Variants in CHRNB3 observed in about 807,000 individuals in gnomAD.
CHRNB3 encodes neuronal acetylcholine receptor subunit beta-3.
Under a neutral mutation model 40.6 loss-of-function variants are expected in CHRNB3, and 37 were observed. The observed-to-expected ratio is 0.91, with a 90% CI of 0.70 to 1.20. The LOEUF (loss-of-function observed/expected upper bound fraction) is 1.20, where lower values mean the gene tolerates loss of function less well. Ranked by LOEUF, CHRNB3 falls within the 50% of genes most tolerant of loss-of-function variation. The pLI is 0.00. For missense variants in CHRNB3, 505 were observed against 551.2 expected (o/e 0.92, Z 0.84); for synonymous variants, 207 against 207.1 (o/e 1.00, Z 0.00).
chr8:42,701,591 C>A (rs1815800964), intron 1 of CHRNB3, among the ~76,000 whole-genome samples: 1 of 152,092 alleles, frequency 6.6e-6, no homozygotes, highest in African/African-American at 2.4e-5. Flanking sequence ...GTCTTCAATT[C>A]CAAAGGAAAA....
intron 1 of CHRNB3, among the ~76,000 whole-genome samples, chr8:42,707,942 A>G (rs1160979892): frequency 6.6e-6 from 1 of 152,234 alleles, no homozygotes; most frequent in Non-Finnish European, 1.5e-5. Context: ...TCCCATCGTC[A>G]GGGAGCTCCA....
chr8:42,703,422 T>TAAAAAAA (rs1202825994), intron 1 of CHRNB3, among the ~76,000 whole-genome samples: 785 of 26,248 alleles, frequency 0.03, 50 homozygotes, highest in Non-Finnish European at 0.038. Flanking sequence ...AGACTTCGTC[T>TAAAAAAA]AAAAAAAAAA....
intron 3 of CHRNB3, among the ~76,000 whole-genome samples, chr8:42,718,590 G>A (rs1483643093): frequency 6.7e-6 from 1 of 149,256 alleles, no homozygotes; most frequent in African/African-American, 2.5e-5. Flanking sequence ...GGAGAATGGC[G>A]TGAACCTGGG....
intron 1 of CHRNB3, among the ~76,000 whole-genome samples, chr8:42,707,454 G>A (rs1287156804): frequency 6.6e-6 from 1 of 152,218 alleles, no homozygotes; most frequent in Non-Finnish European, 1.5e-5. Context: ...GAACAGACAA[G>A]GAGGGGCAGG....
At chr8:42,724,492 G>A (rs1446066187) in intron 3 of CHRNB3, among the ~76,000 whole-genome samples, 2 of 151,980 alleles carry the variant, frequency 1.3e-5, no homozygotes, top group Non-Finnish European at 2.9e-5. Flanking sequence ...TTCAAACAAA[G>A]GCCCCAGGAA....
chr8:42,716,003 G>T (rs1816094682), intron 3 of CHRNB3, among the ~76,000 whole-genome samples: 1 of 142,722 alleles, frequency 7.0e-6, no homozygotes, highest in Non-Finnish European at 1.5e-5. Flanking sequence ...TTTTGAGATG[G>T]AGTCTTGCTC....
At chr8:42,731,049 C>T (rs1563615989) in intron 4 of CHRNB3, among the ~76,000 whole-genome samples, 2 of 109,796 alleles carry the variant, frequency 1.8e-5, no homozygotes, top group Middle Eastern at 4.5e-3. Flanking sequence ...AGCGAGACTC[C>T]GTCTCAAAAA....
At chr8:42,730,148 A>T (rs1816378440) in intron 3 of CHRNB3, among the ~76,000 whole-genome samples, 1 of 152,204 alleles carries the variant, frequency 6.6e-6, no homozygotes, top group Admixed American at 6.5e-5. Flanking sequence ...TAGCAGGTGG[A>T]TGTTCATCTA....
At chr8:42,733,366 A>C (rs1230963670) in intron 5 of CHRNB3, among the ~76,000 whole-genome samples, 4 of 152,042 alleles carry the variant, frequency 2.6e-5, no homozygotes, top group Non-Finnish European at 5.9e-5. Context: ...TGAATTTCAG[A>C]CTGAAAACAG....
At chr8:42,698,242 G>C (rs1287479267) in intron 1 of CHRNB3, among the ~76,000 whole-genome samples, 1 of 152,144 alleles carries the variant, frequency 6.6e-6, no homozygotes, top group Non-Finnish European at 1.5e-5. Context: ...GAAAAAGAAA[G>C]GGGAATAAAG....
intron 3 of CHRNB3, among the ~76,000 whole-genome samples, chr8:42,716,503 T>C (rs543866374): frequency 1.6e-4 from 25 of 152,210 alleles, no homozygotes; most frequent in Middle Eastern, 3.4e-3. Context: ...TACTGCTCCC[T>C]ACAGACCATG....
intron 3 of CHRNB3, chr8:42,726,371 C>A: frequency 3.7e-5 from 17 of 463,844 alleles, no homozygotes; most frequent in Non-Finnish European, 4.5e-5. Flanking sequence ...GAAAAGATCC[C>A]AAAATTAAGT....
At chr8:42,710,317 C>T in intron 2 of CHRNB3, 73 bp from the exon 3 acceptor site, 1 of 1,230,504 alleles carries the variant, frequency 8.1e-7, no homozygotes, top group Non-Finnish European at 1.2e-6. Context: ...GATCCCATTT[C>T]TAAAACAACA....
Position 42,736,739 on chromosome 8 carries a change from G to C in CHRNB3, c.*121G>C. The stretch of plus-strand genomic sequence containing the variant: ...CGAATGCGTTGTCTTTGTGGAAATG[G>C]AACATCTCCTCATGGGAGAAACTCT... On this transcript the variant is annotated 3_prime_UTR_variant, in exon 6 of 6. Transcript: ENST00000289957. 1.7e-6 allele frequency: 2 copies of C among 1,170,402 alleles called. No individual in the cohort carries two copies. Among genetic ancestry groups the C allele is most frequent in the Non-Finnish European group, 1.2e-6 (1 of 807,358 alleles). 72.5% of individuals were successfully genotyped at this position (1,170,402 alleles called of 1,614,324 possible). A position where few individuals can be genotyped will look rare whatever the true frequency, so the allele number is the denominator to read the frequency against.
intron 1 of CHRNB3, among the ~76,000 whole-genome samples, chr8:42,699,166 T>C (rs1454905563): frequency 6.6e-6 from 1 of 152,248 alleles, no homozygotes; most frequent in Non-Finnish European, 1.5e-5. Context: ...CAAAACTACT[T>C]TTTTCAAATT....
chr8:42,716,518 C>G (rs1816109638), intron 3 of CHRNB3, among the ~76,000 whole-genome samples: 1 of 152,028 alleles, frequency 6.6e-6, no homozygotes, highest in African/African-American at 2.4e-5. Context: ...ACCATGGCTA[C>G]CCACCAGCAG....
At chr8:42,700,164 C>G (rs1815762360) in intron 1 of CHRNB3, among the ~76,000 whole-genome samples, 1 of 151,978 alleles carries the variant, frequency 6.6e-6, no homozygotes. Flanking sequence ...CAGGTGCCCA[C>G]CACCACGCCC....
intron 1 of CHRNB3, among the ~76,000 whole-genome samples, chr8:42,708,256 G>A (rs945646844): frequency 2.0e-5 from 3 of 152,142 alleles, no homozygotes; most frequent in South Asian, 2.1e-4. Flanking sequence ...CACGAGGTCA[G>A]GAGATCGAGA....
rs1286748861 is a variant in CHRNB3 at position 42,717,104 on chromosome 8, T to C, written c.249+6670T>C. ...TAAGAAGCAGACTGGCCGGGCGCGG[T>C]GGCTCACGCCTGTAATCCCAGCACT... On this transcript the variant is annotated intron_variant, in intron 3 of 5. Coordinates refer to ENST00000289957, the MANE Select transcript of CHRNB3 (RefSeq NM_000749.5). 6.7e-5 allele frequency among the ~76,000 whole-genome samples: 9 copies of C among 134,956 alleles called. 2 individuals carry two copies. The highest frequency in any genetic ancestry group is 2.7e-4 in the African/African-American group (9 of 33,696). The allele number at this position is 134,956 out of a possible 152,430, so 88.5% of individuals were successfully genotyped here.
Sources: allele counts gnomAD v4.1 joint callset (sites outside exome capture counted in the v4.1 genomes callset), GRCh38; gene constraint gnomAD v4.1.1; transcripts MANE v1.5; gene names NCBI Gene and HGNC (gene_info 2026-07-23, HGNC 2026-07-21).